The following LIPA variants were observed in gnomAD, a reference collection of about 807,000 sequenced individuals.
LIPA encodes the protein lipase A, lysosomal acid type.
In LIPA, 26 loss-of-function variants were observed where a neutral mutation model predicts 40.6. The ratio of observed to expected loss-of-function variants is 0.64; its 90% CI spans 0.47 to 0.89. The LOEUF is 0.89. Among genes scored for constraint, LIPA ranks in the 40% least tolerant of loss-of-function variants. LIPA has a pLI of 0.00. For synonymous variants in LIPA, 188 were observed against 168.4 expected, an observed-to-expected ratio of 1.12 and a Z score of -0.90; for missense variants, 455 against 479.6, an observed-to-expected ratio of 0.95 and a Z score of 0.48.
intron 1 of LIPA, among the ~76,000 whole-genome samples, chr10:89,276,284 G>A (rs1843288572): frequency 6.6e-6 from 1 of 152,202 alleles, no homozygotes; most frequent in South Asian, 2.1e-4. Flanking sequence ...TGCTAGGTTT[G>A]AAGCAAAGAT....
chr10:89,228,804 A>C lies in LIPA; in HGVS notation c.230-406T>G, dbSNP rs552537882. On this transcript the variant is annotated intron_variant, in intron 3 of 9. Coordinates refer to ENST00000336233, the MANE Select transcript of LIPA (RefSeq NM_000235.4). ...AAAGAAAAAGATCACACATAATGAG[A>C]CATCACTATACACGTATCAGAATGA... 6.6e-4 allele frequency among the ~76,000 whole-genome samples: 100 copies of C among 152,392 alleles called. 1 individual carries two copies. The highest frequency in any genetic ancestry group is 1.4e-3 in the Admixed American group (21 of 15,314).
rs770170428 is a variant in LIPA at position 89,300,893 on chromosome 10, G to C, written c.-2+41718C>G. 2.0e-4 allele frequency among the ~76,000 whole-genome samples: 31 copies of C among 152,206 alleles called. No individual in the cohort carries two copies. In the Middle Eastern group the frequency reaches 0.01, roughly 50 times the overall value. On this transcript the variant is annotated intron_variant, in intron 1 of 5. Transcript: ENST00000282673. ...TCCCAGCTACTCGAGAGGCTGAGGC[G>C]AATCACTTGAACCAGGGAGGTGGAG...
upstream of LIPA, chr10:89,342,728 C>T (rs1015480659): frequency 3.2e-4 from 49 of 152,324 alleles, no homozygotes; most frequent in African/African-American, 1.1e-3. Flanking sequence ...GCCCCTCACT[C>T]ACATTCATTG....
At chr10:89,229,225 T>C (rs1842809112) in intron 3 of LIPA, among the ~76,000 whole-genome samples, 1 of 152,086 alleles carries the variant, frequency 6.6e-6, no homozygotes, top group Non-Finnish European at 1.5e-5. Flanking sequence ...GAACCTTAAA[T>C]ACATATTACC....
At chr10:89,374,960 C>T (rs1316457994) in intron 2 of LIPA, among the ~76,000 whole-genome samples, 1 of 152,212 alleles carries the variant, frequency 6.6e-6, no homozygotes, top group Non-Finnish European at 1.5e-5. Context: ...ACCCCTATCT[C>T]AGCAGCTGCA....
intron 1 of LIPA, among the ~76,000 whole-genome samples, chr10:89,314,979 A>G (rs1281352408): frequency 1.3e-5 from 2 of 152,222 alleles, no homozygotes; most frequent in Admixed American, 1.3e-4. Context: ...CAGCTCCCTC[A>G]CAATGCACAA....
intron 1 of LIPA, among the ~76,000 whole-genome samples, chr10:89,311,879 A>C (rs1389468791): frequency 6.6e-6 from 1 of 152,180 alleles, no homozygotes; most frequent in Non-Finnish European, 1.5e-5. Flanking sequence ...TTTCCAAAAA[A>C]GGCACTGGCG....
At chr10:89,250,145 G>C (rs1418553922) in intron 1 of LIPA, among the ~76,000 whole-genome samples, 2 of 120,342 alleles carry the variant, frequency 1.7e-5, no homozygotes, top group Non-Finnish European at 3.3e-5. Context: ...TGTCCCCCAG[G>C]CTGGAGTACA....
intron 2 of LIPA, among the ~76,000 whole-genome samples, chr10:89,351,418 AAAT>A (rs1338545818): frequency 6.6e-6 from 1 of 152,232 alleles, no homozygotes; most frequent in Non-Finnish European, 1.5e-5. Context: ...AGAAAAATCC[AAAT>A]AGTCCAGAAA....
At chr10:89,305,215 A>G (rs979252179) in intron 1 of LIPA, among the ~76,000 whole-genome samples, 2 of 152,122 alleles carry the variant, frequency 1.3e-5, no homozygotes, top group African/African-American at 4.8e-5. Flanking sequence ...AATGAGTAAA[A>G]ATTAAGAATG....
chr10:89,251,027 C>A (rs1273084114), intron 1 of LIPA, among the ~76,000 whole-genome samples: 1 of 152,196 alleles, frequency 6.6e-6, no homozygotes. Flanking sequence ...AAGATAAGAG[C>A]AGTCCAACAG....
At chr10:89,251,166 C>T (rs1330971287) in intron 1 of LIPA, among the ~76,000 whole-genome samples, 1 of 152,230 alleles carries the variant, frequency 6.6e-6, no homozygotes, top group African/African-American at 2.4e-5. Context: ...GATCTACTGT[C>T]AATTACTCCT....
At chr10:89,354,570 T>C (rs1475358089) in intron 2 of LIPA, among the ~76,000 whole-genome samples, 1 of 152,168 alleles carries the variant, frequency 6.6e-6, no homozygotes, top group Non-Finnish European at 1.5e-5. Flanking sequence ...GTTTTGTTCT[T>C]GTTTTTGTTT....
intron 2 of LIPA, among the ~76,000 whole-genome samples, chr10:89,407,059 G>C (rs1178896379): frequency 6.6e-6 from 1 of 152,146 alleles, no homozygotes; most frequent in Non-Finnish European, 1.5e-5. Context: ...CCAACTCTTT[G>C]GAGTTGGGAG....
chr10:89,222,428 T>G, intron 8 of LIPA, 83 bp downstream of exon 8: 1 of 873,484 alleles, frequency 1.1e-6, no homozygotes, highest in Non-Finnish European at 2.0e-6. Flanking sequence ...CAGGTTGTCT[T>G]TCTATTTGGA....
chr10:89,227,763 A>C (rs1842789286), intron 4 of LIPA, among the ~76,000 whole-genome samples: 1 of 152,238 alleles, frequency 6.6e-6, no homozygotes, highest in Non-Finnish European at 1.5e-5. Flanking sequence ...CATTTTACAA[A>C]TAAGGAAACC....
chr10:89,234,265 G>A (rs1212518610), intron 3 of LIPA, among the ~76,000 whole-genome samples: 1 of 152,206 alleles, frequency 6.6e-6, no homozygotes, highest in Non-Finnish European at 1.5e-5. Flanking sequence ...GCCAGGCTGG[G>A]GAACCACTAG....
intron 1 of LIPA, among the ~76,000 whole-genome samples, chr10:89,264,190 T>C (rs1265941607): frequency 1.3e-5 from 2 of 152,232 alleles, no homozygotes; most frequent in Non-Finnish European, 2.9e-5. Context: ...TTCAGCCCTA[T>C]TTGTGTTACA....
intron 1 of LIPA, among the ~76,000 whole-genome samples, chr10:89,286,402 C>G (rs917502250): frequency 6.6e-6 from 1 of 152,164 alleles, no homozygotes; most frequent in Non-Finnish European, 1.5e-5. Context: ...ACCCTATAAT[C>G]CTTCTATCAC....
Sources: allele counts gnomAD v4.1 joint callset (sites outside exome capture counted in the v4.1 genomes callset), GRCh38; gene constraint gnomAD v4.1.1; transcripts MANE v1.5; gene names NCBI Gene and HGNC (gene_info 2026-07-23, HGNC 2026-07-21).